DPP10: variants seen among roughly 807,000 people sequenced by gnomAD.
DPP10 encodes inactive dipeptidyl peptidase 10.
In DPP10, 33 loss-of-function variants were observed where a neutral mutation model predicts 120.9. The ratio of observed to expected loss-of-function variants is 0.27; its 90% CI spans 0.21 to 0.37. DPP10 has a LOEUF of 0.37. Ranked by LOEUF, DPP10 falls within the 10% of genes least tolerant of loss-of-function variation. The pLI is 1.00. For synonymous variants in DPP10, 337 were observed against 326.1 expected, an observed-to-expected ratio of 1.03 and a Z score of -0.36; for missense variants, 816 against 942.8, an observed-to-expected ratio of 0.87 and a Z score of 1.76.
At chr2:115,576,806 C>T (rs1215067383) in intron 5 of DPP10, among the ~76,000 whole-genome samples, 1 of 152,190 alleles carries the variant, frequency 6.6e-6, no homozygotes, top group Non-Finnish European at 1.5e-5. Flanking sequence ...GCATAACTTC[C>T]TCACCTCAAC....
intron 1 of DPP10, among the ~76,000 whole-genome samples, chr2:115,243,800 A>G (rs555127981): frequency 7.5e-4 from 113 of 151,424 alleles, no homozygotes; most frequent in Non-Finnish European, 1.5e-3. Context: ...GCCACCAGAG[A>G]ATGCTTATGG....
intron 11 of DPP10, among the ~76,000 whole-genome samples, chr2:115,762,039 TG>T (rs1680176731): frequency 6.6e-6 from 1 of 152,200 alleles, no homozygotes; most frequent in Non-Finnish European, 1.5e-5. Context: ...ACTGCAAGAC[TG>T]TTTTGAAGGG....
intron 1 of DPP10, among the ~76,000 whole-genome samples, chr2:114,874,598 A>G (rs1303588386): frequency 1.3e-5 from 2 of 152,028 alleles, no homozygotes; most frequent in Non-Finnish European, 2.9e-5. Context: ...GGTGAGTTAT[A>G]TATTTATTTC....
At chr2:115,572,523 A>G (rs2081395799) in intron 5 of DPP10, among the ~76,000 whole-genome samples, 1 of 152,210 alleles carries the variant, frequency 6.6e-6, no homozygotes, top group Admixed American at 6.5e-5. Flanking sequence ...TGTGTATGTT[A>G]TATGCATACA....
chr2:115,008,807 A>G (rs1702048728), intron 1 of DPP10, among the ~76,000 whole-genome samples: 2 of 58,304 alleles, frequency 3.4e-5, no homozygotes, highest in Admixed American at 4.1e-4. Context: ...ACATTTATGC[A>G]GCCAAAACAC....
intron 1 of DPP10, among the ~76,000 whole-genome samples, chr2:114,991,506 C>T (rs1700752247): frequency 6.6e-6 from 1 of 152,154 alleles, no homozygotes; most frequent in Non-Finnish European, 1.5e-5. Context: ...AGAAATTTCT[C>T]CCACAACATG....
chr2:115,322,500 C>A (rs1001991386), intron 2 of DPP10, among the ~76,000 whole-genome samples: 4 of 152,162 alleles, frequency 2.6e-5, no homozygotes, highest in Non-Finnish European at 1.5e-5. Context: ...ACTTAGCCAG[C>A]CCATTTACAA....
intron 4 of DPP10, among the ~76,000 whole-genome samples, chr2:115,502,881 T>G (rs2076756353): frequency 6.6e-6 from 1 of 151,910 alleles, no homozygotes; most frequent in African/African-American, 2.4e-5. Context: ...CAGTTTTTTT[T>G]TTTTTAGAAA....
intron 3 of DPP10, among the ~76,000 whole-genome samples, chr2:115,389,567 G>A (rs1352775421): frequency 6.6e-6 from 1 of 152,008 alleles, no homozygotes; most frequent in African/African-American, 2.4e-5. Flanking sequence ...TAATAACCTT[G>A]TTGAACCTAA....
At chr2:115,831,354 T>C (rs1366654486) in intron 21 of DPP10, among the ~76,000 whole-genome samples, 1 of 152,114 alleles carries the variant, frequency 6.6e-6, no homozygotes, top group Non-Finnish European at 1.5e-5. Context: ...GTTCAAGCAA[T>C]TCTCCTGCCT....
intron 1 of DPP10, among the ~76,000 whole-genome samples, chr2:115,247,769 G>C (rs549145257): frequency 2.0e-5 from 3 of 152,266 alleles, no homozygotes; most frequent in African/African-American, 7.2e-5. Flanking sequence ...GAAGGTTGAT[G>C]ATGATGGAAA....
chr2:115,126,723 T>G (rs1181695430), intron 1 of DPP10, among the ~76,000 whole-genome samples: 1 of 152,186 alleles, frequency 6.6e-6, no homozygotes, highest in East Asian at 1.9e-4. Flanking sequence ...ATATTCCTCT[T>G]TTCTCAACCT....
chr2:114,841,148 C>T (rs754756572), intron 1 of DPP10, among the ~76,000 whole-genome samples: 2 of 152,126 alleles, frequency 1.3e-5, no homozygotes, highest in Non-Finnish European at 2.9e-5. Flanking sequence ...CTATTAATTA[C>T]AGATAGTTGC....
chr2:114,970,721 A>G (rs1699336906), intron 1 of DPP10, among the ~76,000 whole-genome samples: 2 of 152,210 alleles, frequency 1.3e-5, no homozygotes, highest in Admixed American at 1.3e-4. Context: ...CACTAAATAA[A>G]TTAGGATTTA....
At chr2:115,432,698 TGTC>T (rs2071116045) in intron 3 of DPP10, among the ~76,000 whole-genome samples, 1 of 150,594 alleles carries the variant, frequency 6.6e-6, no homozygotes, top group Non-Finnish European at 1.5e-5. Flanking sequence ...TGTGTGTGTG[TGTC>T]TTTTAGCTCA....
chr2:114,865,968 C>T lies in DPP10; in HGVS notation c.60+423130C>T, dbSNP rs1420384644. Among the ~76,000 whole-genome samples the T allele has an allele frequency of 2.3e-4, 35 of 151,872 alleles. 1 individual carries two copies. The highest frequency in any genetic ancestry group is 1.8e-3 in the Admixed American group (28 of 15,238). ...TGTCTACTAAAAATACAAAATTAGCCGGGCGTGGTCGTGCATGCCTATAAA... is the reference window on the plus strand; with the variant it reads ...TGTCTACTAAAAATACAAAATTAGCTGGGCGTGGTCGTGCATGCCTATAAA... On this transcript the variant is annotated intron_variant, in intron 1 of 25. Transcript: ENST00000410059.
intron 1 of DPP10, among the ~76,000 whole-genome samples, chr2:114,853,251 A>G (rs752682120): frequency 6.6e-6 from 1 of 152,140 alleles, no homozygotes; most frequent in African/African-American, 2.4e-5. Flanking sequence ...TGTTAAATGG[A>G]TGAAAACATA....
At chr2:115,318,552 A>T (rs2061908700) in intron 2 of DPP10, among the ~76,000 whole-genome samples, 1 of 152,132 alleles carries the variant, frequency 6.6e-6, no homozygotes, top group South Asian at 2.1e-4. Context: ...CAACTCATAA[A>T]TATGGAATGT....
chr2:115,395,830 TGGGAATG>T (rs1276489867), intron 3 of DPP10, among the ~76,000 whole-genome samples: 1 of 152,016 alleles, frequency 6.6e-6, no homozygotes, highest in African/African-American at 2.4e-5. Flanking sequence ...TTGATGAGAA[TGGGAATG>T]ACACATTATA....
Sources: allele counts gnomAD v4.1 joint callset (sites outside exome capture counted in the v4.1 genomes callset), GRCh38; gene constraint gnomAD v4.1.1; transcripts MANE v1.5; gene names NCBI Gene and HGNC (gene_info 2026-07-23, HGNC 2026-07-21).